Variants in AEBP2 observed in about 807,000 individuals in gnomAD.
AEBP2 encodes the protein AE binding protein 2.
AEBP2 carries 10 observed loss-of-function variants against 50.8 expected under a neutral mutation model. The ratio of observed to expected loss-of-function variants is 0.20; its 90% CI spans 0.12 to 0.33. AEBP2 has a LOEUF of 0.33. Among genes scored for constraint, AEBP2 ranks in the 10% least tolerant of loss-of-function variants. AEBP2 has a pLI of 1.00. For missense variants in AEBP2, 570 were observed against 688.0 expected (o/e 0.83, Z 1.92); for synonymous variants, 296 against 261.3 (o/e 1.13, Z -1.28).
At chr12:19,421,430 T>C (rs2095745768) in intron 1 of AEBP2, among the ~76,000 whole-genome samples, 2 of 150,176 alleles carry the variant, frequency 1.3e-5, no homozygotes. Flanking sequence ...AGGTGGGTGA[T>C]TGCTTGAACC....
chr12:19,508,754 A>G (rs1406935291), intron 5 of AEBP2: 1 of 167,982 alleles, frequency 6.0e-6, no homozygotes, highest in Non-Finnish European at 1.3e-5. Context: ...CAACTACAGC[A>G]AAAAACTCCA....
intron 7 of AEBP2, among the ~76,000 whole-genome samples, chr12:19,515,487 C>A (rs1028218651): frequency 1.3e-5 from 2 of 152,088 alleles, no homozygotes; most frequent in African/African-American, 4.8e-5. Flanking sequence ...TGGTTGAACT[C>A]CATAGTGCCT....
intron 5 of AEBP2, chr12:19,509,043 G>A: frequency 1.7e-6 from 1 of 591,020 alleles, no homozygotes; most frequent in Non-Finnish European, 3.2e-6. Context: ...TCTGCATGTG[G>A]CATGTGCCCA....
intron 3 of AEBP2, among the ~76,000 whole-genome samples, chr12:19,492,803 C>CA (rs1347384215): frequency 6.6e-6 from 1 of 151,786 alleles, no homozygotes; most frequent in Non-Finnish European, 1.5e-5. Context: ...CCCCTTTTGA[C>CA]AAAAAATGCA....
At chr12:19,419,467 T>A (rs1444343006) in intron 1 of AEBP2, among the ~76,000 whole-genome samples, 1 of 152,048 alleles carries the variant, frequency 6.6e-6, no homozygotes, top group Non-Finnish European at 1.5e-5. Flanking sequence ...CACGTGCCTA[T>A]AGTCCTAGCT....
At chr12:19,465,844 T>C (rs145310516) in intron 2 of AEBP2, among the ~76,000 whole-genome samples, 390 of 146,364 alleles carry the variant, frequency 2.7e-3, no homozygotes, top group Non-Finnish European at 3.5e-3. Flanking sequence ...CGGGCTGGAG[T>C]GCAGTGGCAC....
At chr12:19,502,846 C>A (rs1032059395) in intron 5 of AEBP2, among the ~76,000 whole-genome samples, 4 of 152,088 alleles carry the variant, frequency 2.6e-5, no homozygotes, top group African/African-American at 9.7e-5. Context: ...TGGGGTTTCT[C>A]CACGTTGGTC....
chr12:19,418,023 C>G (rs1342617020), intron 1 of AEBP2, among the ~76,000 whole-genome samples: 1 of 152,030 alleles, frequency 6.6e-6, no homozygotes, highest in Non-Finnish European at 1.5e-5. Context: ...ATTAACACAA[C>G]TAGATCTTTC....
In AEBP2 at chr12:19,430,757, C is replaced by T. The variant is rs1167312938; in HGVS notation, c.-17+26541C>T. On this transcript the variant is annotated intron_variant, in intron 1 of 3. Coordinates refer to the AEBP2 transcript ENST00000538425. ...TGAAGCAATTGTGAATGGGAGTTCA[C>T]TCATGATTTGGCTCTCTGTCTGTGT... Among the ~76,000 whole-genome samples, 3 of 152,206 alleles carry T rather than the reference C, an allele frequency of 2.0e-5. No homozygotes were observed. The East Asian group carries it at 5.8e-4, about 29-fold the overall frequency.
chr12:19,467,856 A>G (rs1210653856), intron 2 of AEBP2, among the ~76,000 whole-genome samples: 1 of 152,016 alleles, frequency 6.6e-6, no homozygotes, highest in African/African-American at 2.4e-5. Context: ...TTACTTTTGC[A>G]TATATTCTTT....
intron 6 of AEBP2, among the ~76,000 whole-genome samples, chr12:19,512,961 AAAAC>A (rs1468204790): frequency 7.9e-5 from 12 of 152,144 alleles, no homozygotes; most frequent in East Asian, 1.9e-4. Flanking sequence ...CAAAAACAAC[AAAAC>A]AAACAAAAAT....
At chr12:19,481,767 C>T (rs181147500) in intron 3 of AEBP2, among the ~76,000 whole-genome samples, 28 of 152,316 alleles carry the variant, frequency 1.8e-4, no homozygotes, top group African/African-American at 6.3e-4. Flanking sequence ...GCATGAGCCA[C>T]GGTGCCCAGC....
At chr12:19,516,876 A>G (rs1949327064) in intron 7 of AEBP2, among the ~76,000 whole-genome samples, 1 of 152,000 alleles carries the variant, frequency 6.6e-6, no homozygotes, top group Non-Finnish European at 1.5e-5. Context: ...AAAATGCAAA[A>G]ATCAGTCGGA....
chr12:19,513,668 C>T (rs1027343166), intron 6 of AEBP2, among the ~76,000 whole-genome samples: 2 of 152,166 alleles, frequency 1.3e-5, no homozygotes, highest in South Asian at 2.1e-4. Context: ...GAGACTGAGG[C>T]GGGAAGATTG....
chr12:19,466,966 C>T (rs920533180), intron 2 of AEBP2: 4 of 257,750 alleles, frequency 1.6e-5, no homozygotes, highest in Non-Finnish European at 2.4e-5. Flanking sequence ...TTGTTTTTTT[C>T]CCCCTTTTAA....
At chr12:19,416,020 A>C (rs2095742420) in intron 1 of AEBP2, among the ~76,000 whole-genome samples, 1 of 152,092 alleles carries the variant, frequency 6.6e-6, no homozygotes, top group East Asian at 1.9e-4. Context: ...CTGTCTCTAC[A>C]AAAATAGAAA....
chr12:19,491,760 A>G (rs919788868), intron 3 of AEBP2, among the ~76,000 whole-genome samples: 1 of 152,178 alleles, frequency 6.6e-6, no homozygotes, highest in African/African-American at 2.4e-5. Flanking sequence ...CTGTTCTGCT[A>G]ATATACTTAG....
rs1301304919 is a variant in AEBP2 at position 19,520,046 on chromosome 12, T to G, written c.*1929T>G. 6.6e-6 allele frequency: 1 copy of G among 152,340 alleles called. No individual in the cohort carries two copies. Among genetic ancestry groups the G allele is most frequent in the East Asian group, 1.9e-4 (1 of 5,202 alleles). The allele number at this position is 152,340 out of a possible 1,614,324, so 9.4% of individuals were successfully genotyped here. A position where few individuals can be genotyped will look rare whatever the true frequency, so the allele number is the denominator to read the frequency against. On this transcript the variant is annotated 3_prime_UTR_variant, in exon 8 of 8. Transcript: ENST00000266508. Reference sequence around the variant, plus strand: ...TGTATCTGCGAAGTAATCTGCAATCTCTTTTGTTCTTTTTAAAATTTGATT... The same window carrying G: ...TGTATCTGCGAAGTAATCTGCAATCGCTTTTGTTCTTTTTAAAATTTGATT...
chr12:19,517,698 C>A (rs1448049417), intron 7 of AEBP2, among the ~76,000 whole-genome samples: 1 of 152,190 alleles, frequency 6.6e-6, no homozygotes, highest in Non-Finnish European at 1.5e-5. Context: ...GAGACCACTT[C>A]TCTCTCTGTT....
Sources: gnomAD v4.1 joint callset for allele counts (sites outside exome capture counted in the v4.1 genomes callset) on GRCh38, gnomAD v4.1.1 for gene constraint, MANE v1.5 for transcripts, NCBI Gene and HGNC (gene_info 2026-07-23, HGNC 2026-07-21) for gene names.